The following SNTG1 variants were observed in gnomAD, a reference collection of about 807,000 sequenced individuals.
SNTG1 encodes the protein gamma-1-syntrophin.
In SNTG1, 39 loss-of-function variants were observed where a neutral mutation model predicts 74.7. The ratio of observed to expected loss-of-function variants is 0.52; its 90% CI spans 0.40 to 0.68. The LOEUF is 0.68. Ranked by LOEUF, SNTG1 falls within the 30% of genes least tolerant of loss-of-function variation. The pLI, the probability that SNTG1 is intolerant of heterozygous loss-of-function variation, is 0.00. For missense variants in SNTG1, 685 were observed against 609.5 expected, an observed-to-expected ratio of 1.12 and a Z score of -1.30; for synonymous variants, 254 against 217.1, an observed-to-expected ratio of 1.17 and a Z score of -1.49.
intron 15 of SNTG1, among the ~76,000 whole-genome samples, chr8:50,702,789 A>G (rs6988284): frequency 0.1 from 15,551 of 152,252 alleles, 2,225 homozygotes; most frequent in African/African-American, 0.32. Context: ...GAGGTTATAC[A>G]GTACAGCCTA....
At chr8:50,443,665 A>T (rs537436298) in intron 5 of SNTG1, among the ~76,000 whole-genome samples, 1 of 152,312 alleles carries the variant, frequency 6.6e-6, no homozygotes, top group South Asian at 2.1e-4. Context: ...GTAATTCATC[A>T]ATTGTTATAA....
At chr8:50,294,854 G>A (rs2089289867) in intron 2 of SNTG1, among the ~76,000 whole-genome samples, 1 of 152,130 alleles carries the variant, frequency 6.6e-6, no homozygotes, top group South Asian at 2.1e-4. Context: ...TTAGTAAGGA[G>A]GTCAGTGGAG....
At chr8:50,131,756 C>A (rs1040980921) in intron 1 of SNTG1, among the ~76,000 whole-genome samples, 4 of 152,042 alleles carry the variant, frequency 2.6e-5, no homozygotes, top group Non-Finnish European at 4.4e-5. Context: ...TTTTGAGGAA[C>A]CTCCATTCTG....
At chr8:50,497,765 CT>C (rs1242120373) in intron 8 of SNTG1, among the ~76,000 whole-genome samples, 1 of 152,020 alleles carries the variant, frequency 6.6e-6, no homozygotes, top group Non-Finnish European at 1.5e-5. Context: ...CCTTCTGCCT[CT>C]TCTCTTCTCC....
At chr8:50,708,634 A>G (rs548880227) in intron 16 of SNTG1, 2 of 461,908 alleles carry the variant, frequency 4.3e-6, no homozygotes, top group East Asian at 6.6e-5. Flanking sequence ...CACAATGTAC[A>G]GACAAAACTA....
chr8:50,528,323 C>T (rs931208298), intron 9 of SNTG1, among the ~76,000 whole-genome samples: 8 of 151,798 alleles, frequency 5.3e-5, no homozygotes, highest in African/African-American at 9.7e-5. Context: ...ATTCCTAGAA[C>T]GCTAAAGTTT....
chr8:50,204,893 G>A (rs907062930), intron 2 of SNTG1, among the ~76,000 whole-genome samples: 5 of 152,224 alleles, frequency 3.3e-5, no homozygotes, highest in South Asian at 2.1e-4. Flanking sequence ...TACAAAGGAC[G>A]TGAACTCATC....
At chr8:50,741,991 G>A (rs2131666094) in intron 17 of SNTG1, among the ~76,000 whole-genome samples, 1 of 152,054 alleles carries the variant, frequency 6.6e-6, no homozygotes, top group South Asian at 2.1e-4. Flanking sequence ...AACACCAAAA[G>A]TGAACCCAAA....
In SNTG1 at chr8:50,441,524, A is replaced by G. The variant is rs547819715; in HGVS notation, c.219+2925A>G. On this transcript the variant is annotated intron_variant, in intron 5 of 18. Transcript: ENST00000642720. ...GGGTTCCTATGTCAAAAATTCCTGA[A>G]ATCCCAAAGAATAAGAGAAAAATAT... Among the ~76,000 whole-genome samples the G allele has an allele frequency of 1.9e-3, 292 of 152,260 alleles. 1 individual carries two copies. The highest frequency in any genetic ancestry group is 8.5e-3 in the South Asian group (41 of 4,822).
At chr8:50,293,336 G>A (rs1022162972) in intron 2 of SNTG1, among the ~76,000 whole-genome samples, 2 of 151,380 alleles carry the variant, frequency 1.3e-5, no homozygotes, top group Non-Finnish European at 1.5e-5. Flanking sequence ...CCTTCTACGT[G>A]TCTGTGTCCT....
intron 2 of SNTG1, among the ~76,000 whole-genome samples, chr8:50,205,177 G>T (rs1214041958): frequency 1.3e-5 from 2 of 152,172 alleles, no homozygotes; most frequent in Admixed American, 1.3e-4. Context: ...CAAGTTTACA[G>T]TCCCAACAGC....
Position 50,704,678 on chromosome 8 carries a change from G to A in SNTG1, c.1117G>A (p.Glu373Lys). ...ESGEDLYFSV[E>K]LESDLAQWER... ...TGGGGAGGACCTGTACTTCTCAGTG[G>A]AGCTGGAAAGTGACCTCGCCCAGTG... The change falls in exon 16 of 19, where the codon GAG (glutamate) becomes AAG (lysine). Residue 373 changes from glutamate to lysine, a missense_variant. Glu to Lys is a moderately conservative substitution (Grantham distance 56, BLOSUM62 1). Coordinates refer to ENST00000642720, the MANE Select transcript of SNTG1 (RefSeq NM_018967.5). 4.3e-6 allele frequency: 7 copies of A among 1,614,148 alleles called. No homozygotes were observed. The highest frequency in any genetic ancestry group is 5.9e-6 in the Non-Finnish European group (7 of 1,180,028).
intron 2 of SNTG1, among the ~76,000 whole-genome samples, chr8:50,193,182 G>A (rs1347624484): frequency 1.3e-5 from 2 of 152,142 alleles, no homozygotes; most frequent in East Asian, 1.9e-4. Flanking sequence ...CTAATTCTGT[G>A]TAGAATGATG....
At chr8:50,509,044 A>G (rs2094038548) in intron 9 of SNTG1, among the ~76,000 whole-genome samples, 2 of 152,078 alleles carry the variant, frequency 1.3e-5, no homozygotes, top group South Asian at 4.1e-4. Context: ...TAGGGTTTTT[A>G]TGGTTTTAGG....
At chr8:50,365,331 C>T (rs1289102062) in intron 2 of SNTG1, among the ~76,000 whole-genome samples, 1 of 151,994 alleles carries the variant, frequency 6.6e-6, no homozygotes, top group Admixed American at 6.6e-5. Flanking sequence ...AAGGCAAAAG[C>T]AAACCAAATG....
At chr8:50,138,319 T>C (rs1488896177) in intron 1 of SNTG1, among the ~76,000 whole-genome samples, 1 of 151,820 alleles carries the variant, frequency 6.6e-6, no homozygotes, top group Non-Finnish European at 1.5e-5. Flanking sequence ...ATACCAACCT[T>C]AATAATAAGA....
At chr8:50,616,944 C>T (rs189802119) in intron 13 of SNTG1, among the ~76,000 whole-genome samples, 12 of 152,334 alleles carry the variant, frequency 7.9e-5, no homozygotes, top group Admixed American at 7.8e-4. Flanking sequence ...ATTCCCAACT[C>T]AGGGATGTGG....
At chr8:50,523,109 C>CT (rs998891885) in intron 9 of SNTG1, among the ~76,000 whole-genome samples, 1 of 151,992 alleles carries the variant, frequency 6.6e-6, no homozygotes, top group Non-Finnish European at 1.5e-5. Flanking sequence ...TATCTTCAAA[C>CT]TTTTTTTTCT....
chr8:50,702,988 A>G (rs6992341), intron 15 of SNTG1, among the ~76,000 whole-genome samples: 50,978 of 152,074 alleles, frequency 0.34, 11,097 homozygotes, highest in African/African-American at 0.62. Context: ...GAGTTTGCAG[A>G]ATGGTAGTTG....
Sources: allele counts gnomAD v4.1 joint callset (sites outside exome capture counted in the v4.1 genomes callset), GRCh38; gene constraint gnomAD v4.1.1; transcripts MANE v1.5; gene names NCBI Gene and HGNC (gene_info 2026-07-23, HGNC 2026-07-21).